Variants in CTNND2 observed in about 807,000 individuals in gnomAD.
CTNND2 encodes catenin delta-2.
CTNND2 carries 22 observed loss-of-function variants against 144.4 expected under a neutral mutation model. That is an observed-to-expected ratio of 0.15 (90% CI 0.11 to 0.22). The LOEUF is 0.22. CTNND2 is among the 10% of genes least tolerant of loss of function. The pLI, the probability that CTNND2 is intolerant of heterozygous loss-of-function variation, is 1.00. For synonymous variants in CTNND2, 751 were observed against 695.6 expected, an observed-to-expected ratio of 1.08 and a Z score of -1.25; for missense variants, 1,353 against 1,618.8, an observed-to-expected ratio of 0.84 and a Z score of 2.82.
intron 3 of CTNND2, among the ~76,000 whole-genome samples, chr5:11,546,597 T>C (rs1308353300): frequency 2.0e-5 from 3 of 152,188 alleles, no homozygotes; most frequent in Admixed American, 6.5e-5. Flanking sequence ...TCTTAGAAGA[T>C]GTCTCTTTTT....
intron 16 of CTNND2, among the ~76,000 whole-genome samples, chr5:11,081,970 A>G (rs1455990490): frequency 6.6e-6 from 1 of 152,232 alleles, no homozygotes; most frequent in African/African-American, 2.4e-5. Flanking sequence ...TAAAGTGGTC[A>G]ATTTTATGTT....
chr5:11,418,205 G>A (rs747118731), intron 3 of CTNND2, among the ~76,000 whole-genome samples: 11 of 151,998 alleles, frequency 7.2e-5, no homozygotes, highest in African/African-American at 2.2e-4. Context: ...TTGGGAGTTC[G>A]AGGCCAGCCT....
chr5:11,407,885 C>T (rs567957875), intron 5 of CTNND2, among the ~76,000 whole-genome samples: 108 of 151,846 alleles, frequency 7.1e-4, no homozygotes, highest in Non-Finnish European at 1.1e-3. Context: ...GTTCCACTAT[C>T]GAGGAGGATG....
intron 9 of CTNND2, among the ~76,000 whole-genome samples, chr5:11,314,512 G>A (rs1434564179): frequency 1.3e-5 from 2 of 152,050 alleles, no homozygotes; most frequent in Non-Finnish European, 2.9e-5. Flanking sequence ...TGCACACCAC[G>A]ATGCCTAGCT....
intron 2 of CTNND2, among the ~76,000 whole-genome samples, chr5:11,608,689 G>A (rs1285009363): frequency 6.6e-6 from 1 of 152,044 alleles, no homozygotes; most frequent in African/African-American, 2.4e-5. Context: ...CACCTTACTT[G>A]GTTTCTCTGC....
chr5:11,798,546 A>T (rs1316444679), intron 1 of CTNND2, among the ~76,000 whole-genome samples: 1 of 152,220 alleles, frequency 6.6e-6, no homozygotes, highest in African/African-American at 2.4e-5. Flanking sequence ...AGGCGGACAG[A>T]TCATGAGGTC....
At chr5:11,223,501 G>A (rs1213648567) in intron 10 of CTNND2, among the ~76,000 whole-genome samples, 1 of 152,080 alleles carries the variant, frequency 6.6e-6, no homozygotes, top group African/African-American at 2.4e-5. Flanking sequence ...TCCTCTCCTA[G>A]TTCTCCTGTT....
intron 11 of CTNND2, among the ~76,000 whole-genome samples, chr5:11,187,225 A>G (rs1438981764): frequency 6.6e-6 from 1 of 152,222 alleles, no homozygotes; most frequent in African/African-American, 2.4e-5. Context: ...ACAACTAACT[A>G]CAACTCCCTT....
chr5:11,772,730 T>C (rs1790020341), intron 1 of CTNND2, among the ~76,000 whole-genome samples: 1 of 152,190 alleles, frequency 6.6e-6, no homozygotes, highest in African/African-American at 2.4e-5. Context: ...GCCCCACAGA[T>C]ACAAGCAGTT....
chr5:11,519,528 C>T (rs1312792800), intron 3 of CTNND2, among the ~76,000 whole-genome samples: 23 of 146,398 alleles, frequency 1.6e-4, no homozygotes, highest in African/African-American at 5.8e-4. Flanking sequence ...TTTTTCTGGT[C>T]AACTGCTAAA....
rs1754811435 is a variant in CTNND2, at chr5:11,346,569, G to A, written c.1431C>T (p.Gly477=). The part of the protein sequence containing the change: ...VPLQRTGSQH[G]PQNAAAATFQ... ...AGGTGGCCGCGGCGGCATTCTGTGG[G>A]CCGTGCTGGCTGCCTGTGCGCTGCA... The change falls in exon 9 of 22, where the codon GGC becomes GGT. Residue 477 remains glycine, a synonymous_variant. Coordinates refer to ENST00000304623, the MANE Select transcript of CTNND2 (RefSeq NM_001332.4). The A allele has an allele frequency of 6.2e-7, 1 of 1,600,056 alleles. No homozygotes were observed. Among genetic ancestry groups the A allele is most frequent in the Non-Finnish European group, 8.5e-7 (1 of 1,173,324 alleles).
intron 15 of CTNND2, among the ~76,000 whole-genome samples, chr5:11,087,463 G>C (rs1176658556): frequency 6.6e-6 from 1 of 152,200 alleles, no homozygotes; most frequent in Non-Finnish European, 1.5e-5. Flanking sequence ...AACTGTGCTT[G>C]GTTCCTGCTC....
At chr5:11,173,130 A>G (rs1760101643) in intron 11 of CTNND2, among the ~76,000 whole-genome samples, 1 of 152,256 alleles carries the variant, frequency 6.6e-6, no homozygotes, top group African/African-American at 2.4e-5. Context: ...GTCATAAAAA[A>G]TGTCAACTTT....
chr5:11,515,527 G>T (rs1772089081), intron 3 of CTNND2, among the ~76,000 whole-genome samples: 1 of 152,098 alleles, frequency 6.6e-6, no homozygotes, highest in Non-Finnish European at 1.5e-5. Context: ...ACTAGGTCAA[G>T]TTATAACATA....
intron 3 of CTNND2, among the ~76,000 whole-genome samples, chr5:11,443,321 ATG>A (rs1263144956): frequency 5.1e-5 from 3 of 58,656 alleles, no homozygotes; most frequent in African/African-American, 7.4e-5. Context: ...GTGTGTGTGC[ATG>A]TGTGTGTGGT....
At chr5:11,458,393 G>C (rs905153120) in intron 3 of CTNND2, among the ~76,000 whole-genome samples, 1 of 152,186 alleles carries the variant, frequency 6.6e-6, no homozygotes, top group South Asian at 2.1e-4. Context: ...AGTGTGCCAT[G>C]AGAAAACTAG....
intron 1 of CTNND2, among the ~76,000 whole-genome samples, chr5:11,872,714 C>G (rs887888357): frequency 6.6e-6 from 1 of 152,116 alleles, no homozygotes; most frequent in African/African-American, 2.4e-5. Context: ...CCTTTGTCCA[C>G]TTTTTGATGG....
rs188217563 is a variant in CTNND2 at position 11,406,010 on chromosome 5, G to A, written c.439+5526C>T. 6.6e-5 allele frequency among the ~76,000 whole-genome samples: 10 copies of A among 152,032 alleles called. No homozygotes were observed. The East Asian group carries it at 1.4e-3, about 21-fold the overall frequency. ...CTAAAAATACAAAAATTAGCCAGGC[G>A]TAGTGGGGCACCTGTAATCCCAGCT... On this transcript the variant is annotated intron_variant, in intron 5 of 21. Transcript: ENST00000304623.
At chr5:11,054,699 G>A (rs2149587080) in intron 16 of CTNND2, among the ~76,000 whole-genome samples, 1 of 152,158 alleles carries the variant, frequency 6.6e-6, no homozygotes, top group South Asian at 2.1e-4. Flanking sequence ...AAAGTTGAAG[G>A]CTTGCTATAG....
Sources: gnomAD v4.1 joint callset for allele counts (sites outside exome capture counted in the v4.1 genomes callset) on GRCh38, gnomAD v4.1.1 for gene constraint, MANE v1.5 for transcripts, NCBI Gene and HGNC (gene_info 2026-07-23, HGNC 2026-07-21) for gene names.